The following LRRC7 variants were observed in gnomAD, a reference collection of about 807,000 sequenced individuals.
LRRC7 encodes leucine-rich repeat-containing protein 7.
In LRRC7, 23 loss-of-function variants were observed where a neutral mutation model predicts 175.7. The observed-to-expected ratio is 0.13, with a 90% CI of 0.09 to 0.19. The LOEUF is 0.19. Among genes scored for constraint, LRRC7 ranks in the 10% least tolerant of loss-of-function variants. LRRC7 has a pLI of 1.00. For missense variants in LRRC7, 1,354 were observed against 1,904.7 expected (o/e 0.71, Z 5.38); for synonymous variants, 685 against 680.9 (o/e 1.01, Z -0.09).
chr1:69,656,155 A>G (rs897916654), intron 1 of LRRC7, among the ~76,000 whole-genome samples: 1 of 151,998 alleles, frequency 6.6e-6, no homozygotes, highest in African/African-American at 2.4e-5. Context: ...TTTTTCAAGT[A>G]GAAAAAAATA....
chr1:69,749,931 T>C (rs896955326), intron 2 of LRRC7, among the ~76,000 whole-genome samples: 4 of 151,786 alleles, frequency 2.6e-5, no homozygotes, highest in African/African-American at 7.3e-5. Flanking sequence ...CATGGTGGCA[T>C]GTGCCTGTAG....
At chr1:69,789,254 T>C (rs948249038) in intron 3 of LRRC7, among the ~76,000 whole-genome samples, 5 of 152,112 alleles carry the variant, frequency 3.3e-5, no homozygotes, top group African/African-American at 1.2e-4. Context: ...ACCCAAATAT[T>C]TTAAGACTTG....
chr1:69,608,897 T>TACAC (rs1231655932), intron 1 of LRRC7, among the ~76,000 whole-genome samples: 1 of 118,162 alleles, frequency 8.5e-6, no homozygotes, highest in African/African-American at 3.4e-5. Flanking sequence ...TATATATATA[T>TACAC]ATACACACAC....
intron 7 of LRRC7, among the ~76,000 whole-genome samples, chr1:69,928,777 C>T (rs988055609): frequency 1.7e-4 from 26 of 152,226 alleles, no homozygotes; most frequent in Admixed American, 1.2e-3. Flanking sequence ...GGCAATGCCT[C>T]GCCCTGCTTC....
intron 9 of LRRC7, among the ~76,000 whole-genome samples, chr1:69,982,437 G>T (rs530323660): frequency 2.0e-5 from 3 of 152,314 alleles, no homozygotes; most frequent in African/African-American, 7.2e-5. Context: ...GTGGTCTCCA[G>T]CCTATGTCTG....
In LRRC7 at chr1:70,023,233, G is replaced by T; in HGVS notation, c.1653G>T (p.Gln551His). ...CCTPWARCDQ[Q>H]IQDMPVPQND... ...CACCATGGGCCAGGTGTGATCAGCA[G>T]ATCCAAGATATGCCCGTCCCCCAGA... The change falls in exon 17 of 27, where the codon CAG becomes CAT. Residue 551 changes from glutamine (Q) to histidine (H), a missense_variant. Coordinates refer to ENST00000651989, the MANE Select transcript of LRRC7 (RefSeq NM_001370785.2). The T allele has an allele frequency of 6.2e-7, 1 of 1,612,470 alleles. No homozygotes were observed. Among genetic ancestry groups the T allele is most frequent in the East Asian group, 2.2e-5 (1 of 44,758 alleles).
At chr1:69,886,148 C>G (rs1195068956) in intron 7 of LRRC7, among the ~76,000 whole-genome samples, 1 of 151,844 alleles carries the variant, frequency 6.6e-6, no homozygotes, top group African/African-American at 2.4e-5. Flanking sequence ...TGGTGCAGAG[C>G]TGAGTTCAAT....
chr1:69,841,256 G>A (rs915511515), intron 7 of LRRC7, among the ~76,000 whole-genome samples: 4 of 152,026 alleles, frequency 2.6e-5, no homozygotes, highest in Admixed American at 6.6e-5. Flanking sequence ...GTGGCTGCTC[G>A]CTTCCTTCTG....
intron 5 of LRRC7, among the ~76,000 whole-genome samples, chr1:69,834,489 C>T (rs1036650886): frequency 5.3e-5 from 8 of 152,058 alleles, no homozygotes; most frequent in African/African-American, 1.7e-4. Flanking sequence ...TCCTGGCTAG[C>T]GTGCATAAGG....
intron 1 of LRRC7, among the ~76,000 whole-genome samples, chr1:69,637,615 G>C (rs1419887373): frequency 6.6e-6 from 1 of 151,882 alleles, no homozygotes; most frequent in Admixed American, 6.6e-5. Flanking sequence ...AAGTCAAATA[G>C]TATTCCTCAG....
chr1:69,888,808 G>T (rs1162366948), intron 7 of LRRC7, among the ~76,000 whole-genome samples: 1 of 152,070 alleles, frequency 6.6e-6, no homozygotes, highest in African/African-American at 2.4e-5. Flanking sequence ...GCCCAAAGGA[G>T]ACAAACTTGC....
At chr1:69,733,013 G>A (rs910666498) in intron 2 of LRRC7, among the ~76,000 whole-genome samples, 1 of 151,998 alleles carries the variant, frequency 6.6e-6, no homozygotes, top group Non-Finnish European at 1.5e-5. Flanking sequence ...AAATCTAGAT[G>A]TGTTTCTGCA....
At chr1:69,997,500 C>T (rs1197950713) in intron 11 of LRRC7, among the ~76,000 whole-genome samples, 1 of 151,958 alleles carries the variant, frequency 6.6e-6, no homozygotes, top group Non-Finnish European at 1.5e-5. Flanking sequence ...GGAATGCTTC[C>T]AGTTTTTGTC....
intron 7 of LRRC7, among the ~76,000 whole-genome samples, chr1:69,888,238 G>A (rs548831492): frequency 1.1e-3 from 167 of 152,218 alleles, no homozygotes; most frequent in Non-Finnish European, 2.0e-3. Flanking sequence ...CTTGCAGTTT[G>A]ATCTCAGACT....
chr1:70,000,415 A>G (rs530122990), intron 11 of LRRC7, among the ~76,000 whole-genome samples: 2 of 152,338 alleles, frequency 1.3e-5, no homozygotes, highest in South Asian at 4.1e-4. Context: ...GTAGGTGTGT[A>G]ATAGATTACA....
intron 2 of LRRC7, among the ~76,000 whole-genome samples, chr1:69,755,711 T>C (rs1403693223): frequency 6.6e-6 from 1 of 151,810 alleles, no homozygotes; most frequent in Non-Finnish European, 1.5e-5. Context: ...TGAAGAGACT[T>C]AGTATTGAAA....
chr1:70,112,791 C>T (rs528518580), intron 26 of LRRC7, among the ~76,000 whole-genome samples: 2 of 151,760 alleles, frequency 1.3e-5, no homozygotes, highest in African/African-American at 4.8e-5. Flanking sequence ...CCAGGCTTAA[C>T]AGAAAGAAAA....
intron 24 of LRRC7, among the ~76,000 whole-genome samples, chr1:70,083,622 A>C (rs1663385471): frequency 6.6e-6 from 1 of 152,146 alleles, no homozygotes; most frequent in African/African-American, 2.4e-5. Context: ...GTTTATATGC[A>C]ATTAGCTACT....
chr1:69,986,471 GTAA>G (rs1304292321), intron 10 of LRRC7, 85 bp downstream of exon 10: 2 of 1,081,524 alleles, frequency 1.8e-6, no homozygotes, highest in African/African-American at 3.2e-5. Context: ...ATAGATATAG[GTAA>G]TATACTGTTA....
Sources: allele counts gnomAD v4.1 joint callset (sites outside exome capture counted in the v4.1 genomes callset), GRCh38; gene constraint gnomAD v4.1.1; transcripts MANE v1.5; gene names NCBI Gene and HGNC (gene_info 2026-07-23, HGNC 2026-07-21).